Variants in ANP32B observed in about 807,000 individuals in gnomAD.
ANP32B encodes the protein acidic nuclear phosphoprotein 32 family member B.
A neutral mutation model predicts 32.2 loss-of-function variants in ANP32B; 6 were observed. The ratio of observed to expected loss-of-function variants is 0.19; its 90% CI spans 0.10 to 0.37. The LOEUF (loss-of-function observed/expected upper bound fraction) is 0.37, where lower values mean the gene tolerates loss of function less well. Ranked by LOEUF, ANP32B falls within the 10% of genes least tolerant of loss-of-function variation. ANP32B has a pLI of 1.00. For missense variants in ANP32B, 204 were observed against 289.2 expected (o/e 0.71, Z 2.14); for synonymous variants, 98 against 105.8 (o/e 0.93, Z 0.45).
At chr9:98,011,457 A>G (rs576660977) in intron 5 of ANP32B, 68 bp downstream of exon 5, 1 of 1,531,844 alleles carries the variant, frequency 6.5e-7, no homozygotes, top group East Asian at 2.3e-5. Context: ...TTTCAAAAAG[A>G]TGACAAAAGA....
intron 1 of ANP32B, among the ~76,000 whole-genome samples, chr9:97,988,016 C>G (rs1587870661): frequency 6.6e-6 from 1 of 152,102 alleles, no homozygotes; most frequent in Non-Finnish European, 1.5e-5. Flanking sequence ...AGAAGATAGA[C>G]ATCATACATG....
intron 1 of ANP32B, among the ~76,000 whole-genome samples, chr9:97,983,845 A>G (rs1226390946): frequency 1.3e-5 from 2 of 151,702 alleles, no homozygotes; most frequent in Non-Finnish European, 2.9e-5. Context: ...GGGGGAAAGC[A>G]AACTTTGAGC....
intron 5 of ANP32B, among the ~76,000 whole-genome samples, chr9:98,012,209 T>TA (rs143227571): frequency 0.061 from 9,262 of 152,202 alleles, 908 homozygotes; most frequent in African/African-American, 0.21. Flanking sequence ...TGCTTGCTTC[T>TA]AAAAAAAATT....
rs748979952 is a variant in ANP32B at position 98,004,986 on chromosome 9, G to A, written c.350G>A (p.Ser117Asn). 10 of 1,608,134 alleles carry A rather than the reference G, an allele frequency of 6.2e-6. No homozygotes were observed. The African/African-American group carries it at 1.2e-4, about 19-fold the overall frequency. Residue 117 changes from serine (S) to asparagine (N), a missense_variant, in exon 4 of 7, where the codon AGC becomes AAC. Transcript: ENST00000339399. Reference protein sequence around the residue: ...EPLKKLECLKSLDLFNCEVTN... With the variant: ...EPLKKLECLKNLDLFNCEVTN... The stretch of plus-strand genomic sequence containing the variant: ...CAGAAAAAGTTAGAATGTCTGAAAA[G>A]CCTGGACCTCTTTAACTGTGAGGTT...
At chr9:97,992,909 T>G (rs1031772455) in intron 1 of ANP32B, among the ~76,000 whole-genome samples, 1 of 152,166 alleles carries the variant, frequency 6.6e-6, no homozygotes, top group Non-Finnish European at 1.5e-5. Context: ...TACTATTATC[T>G]CCACTTTATG....
chr9:98,012,736 G>T (rs947986043), intron 6 of ANP32B, among the ~76,000 whole-genome samples: 1 of 152,056 alleles, frequency 6.6e-6, no homozygotes, highest in Non-Finnish European at 1.5e-5. Flanking sequence ...GGTGGTGGTG[G>T]TGGTGGTGTT....
At chr9:98,004,825 T>G in intron 3 of ANP32B, 139 bp from the exon 4 acceptor site, 1 of 566,010 alleles carries the variant, frequency 1.8e-6, no homozygotes, top group Non-Finnish European at 3.0e-6. Context: ...GCAAAAGACT[T>G]GATGTATTTT....
At chr9:97,990,113 T>C in intron 1 of ANP32B, among the ~76,000 whole-genome samples, 1 of 152,234 alleles carries the variant, frequency 6.6e-6, no homozygotes, top group South Asian at 2.1e-4. Flanking sequence ...ATACCATTTG[T>C]GTTCCCTAAA....
chr9:97,996,590 G>A (rs1379467090), intron 2 of ANP32B, among the ~76,000 whole-genome samples: 2 of 151,952 alleles, frequency 1.3e-5, no homozygotes, highest in African/African-American at 4.8e-5. Context: ...ACACAAATTG[G>A]TTTTGTTTTG....
chr9:98,010,930 A>C (rs1018377216), intron 4 of ANP32B, among the ~76,000 whole-genome samples: 7 of 152,074 alleles, frequency 4.6e-5, no homozygotes, highest in Admixed American at 2.6e-4. Context: ...TGTTCTTATC[A>C]CTCAGCTTCA....
chr9:97,987,040 G>C (rs1347234671), intron 1 of ANP32B, among the ~76,000 whole-genome samples: 3 of 151,756 alleles, frequency 2.0e-5, no homozygotes, highest in Admixed American at 2.0e-4. Context: ...TTCTGACCAA[G>C]GAAGACAAGA....
intron 1 of ANP32B, among the ~76,000 whole-genome samples, chr9:97,994,121 G>A (rs1195307810): frequency 1.3e-5 from 2 of 152,122 alleles, no homozygotes. Context: ...GATAATCTTG[G>A]CAAAGATTAC....
chr9:97,983,988 C>G (rs1320001185), intron 1 of ANP32B, among the ~76,000 whole-genome samples: 4 of 150,506 alleles, frequency 2.7e-5, no homozygotes, highest in Admixed American at 6.6e-5. Flanking sequence ...GGGCGGAGGC[C>G]CGGCCTGCCG....
intron 4 of ANP32B, among the ~76,000 whole-genome samples, chr9:98,010,201 T>A (rs1457882379): frequency 2.1e-5 from 3 of 144,550 alleles, no homozygotes; most frequent in African/African-American, 2.5e-5. Context: ...AATAGTGGTT[T>A]AAAAAAAAAA....
chr9:98,000,243 T>C lies in ANP32B; in HGVS notation c.327+1565T>C, dbSNP rs138441637. Among the ~76,000 whole-genome samples the C allele has an allele frequency of 3.8e-4, 58 of 152,250 alleles. 1 individual carries two copies. In the East Asian group the frequency reaches 0.01, roughly 27 times the overall value. On this transcript the variant is annotated intron_variant, in intron 3 of 6. Transcript: ENST00000339399. ...ATCCTTCCATCTCGACCTCCCAAAG[T>C]GTTTGGGACTACAGGCCTGAGCCAC...
intron 6 of ANP32B, among the ~76,000 whole-genome samples, chr9:98,014,114 A>T (rs1828234807): frequency 6.6e-6 from 1 of 152,190 alleles, no homozygotes; most frequent in African/African-American, 2.4e-5. Context: ...CATTTACACT[A>T]GATATTACCC....
intron 4 of ANP32B, 72 bp downstream of exon 4, chr9:98,005,225 G>C: frequency 1.3e-6 from 2 of 1,486,220 alleles, no homozygotes; most frequent in African/African-American, 2.8e-5. Flanking sequence ...ATTGGATGTT[G>C]GCCGGGCGCA....
chr9:98,007,333 C>G (rs1828103216), intron 4 of ANP32B, among the ~76,000 whole-genome samples: 1 of 152,182 alleles, frequency 6.6e-6, no homozygotes, highest in South Asian at 2.1e-4. Flanking sequence ...GCACATGTTC[C>G]TCTTTGAGCT....
chr9:97,992,675 G>A (rs545441768), intron 1 of ANP32B, among the ~76,000 whole-genome samples: 126 of 152,288 alleles, frequency 8.3e-4, no homozygotes, highest in African/African-American at 2.9e-3. Context: ...GTTTACATTG[G>A]TGGGTGATGA....
Sources: gnomAD v4.1 joint callset for allele counts (sites outside exome capture counted in the v4.1 genomes callset) on GRCh38, gnomAD v4.1.1 for gene constraint, MANE v1.5 for transcripts, NCBI Gene and HGNC (gene_info 2026-07-23, HGNC 2026-07-21) for gene names.